The following SLC2A9 variants were observed in gnomAD, a reference collection of about 807,000 sequenced individuals.
SLC2A9 encodes the protein solute carrier family 2 member 9.
In SLC2A9, 39 loss-of-function variants were observed where a neutral mutation model predicts 50.6. The ratio of observed to expected loss-of-function variants is 0.77; its 90% CI spans 0.60 to 1.01. The LOEUF (loss-of-function observed/expected upper bound fraction) is 1.01, where lower values mean the gene tolerates loss of function less well. SLC2A9 is among the 50% of genes least tolerant of loss of function. The probability of loss-of-function intolerance (pLI) is 0.00; values close to 1 mark genes in which losing one functional copy is unlikely to be tolerated. For synonymous variants in SLC2A9, 324 were observed against 276.9 expected (o/e 1.17, Z -1.69); for missense variants, 686 against 677.6 (o/e 1.01, Z -0.14).
At chr4:9,792,519 G>A (rs1720079412) in intron 3 of SLC2A9, among the ~76,000 whole-genome samples, 1 of 152,024 alleles carries the variant, frequency 6.6e-6, no homozygotes, top group Admixed American at 6.6e-5. Flanking sequence ...GTCAGCAGTA[G>A]AATAGCTAAC....
At chr4:9,778,093 CTTCCTTCCTTCCTTCT>C (rs2108834240), downstream of SLC2A9, among the ~76,000 whole-genome samples, 1 of 123,312 alleles carries the variant, frequency 8.1e-6, no homozygotes, top group South Asian at 2.6e-4. Flanking sequence ...TCCTTCCTTC[CTTCCTTCCTTCCTTCT>C]TTCCTTCTCC....
At chr4:10,016,179 G>A (rs984299749) in intron 2 of SLC2A9, among the ~76,000 whole-genome samples, 2 of 152,170 alleles carry the variant, frequency 1.3e-5, no homozygotes, top group Admixed American at 6.5e-5. Context: ...GTAGAGCTCC[G>A]ATATCCCAAA....
intron 7 of SLC2A9, among the ~76,000 whole-genome samples, chr4:9,914,983 C>T (rs986526642): frequency 1.3e-5 from 2 of 152,198 alleles, no homozygotes; most frequent in Non-Finnish European, 2.9e-5. Flanking sequence ...TCTCATCTTA[C>T]GGATAAAAAT....
intron 6 of SLC2A9, among the ~76,000 whole-genome samples, chr4:9,934,983 G>C (rs1405332884): frequency 2.0e-5 from 3 of 152,146 alleles, no homozygotes; most frequent in Non-Finnish European, 4.4e-5. Context: ...CAAAGAATAT[G>C]ATCTAATTCC....
At chr4:9,887,681 G>T in intron 9 of SLC2A9, 39 bp from the exon 10 acceptor site, 1 of 1,431,170 alleles carries the variant, frequency 7.0e-7, no homozygotes, top group South Asian at 1.5e-5. Flanking sequence ...AGGAGGTGAT[G>T]GTGTGACCGG....
At chr4:9,814,573 CTCT>C (rs1268104954) in intron 3 of SLC2A9, among the ~76,000 whole-genome samples, 1 of 152,130 alleles carries the variant, frequency 6.6e-6, no homozygotes, top group East Asian at 1.9e-4. Context: ...TTGTGTTCTT[CTCT>C]TCTTCTGTTA....
At chr4:10,014,416 C>T (rs1198045709) in intron 2 of SLC2A9, among the ~76,000 whole-genome samples, 2 of 152,198 alleles carry the variant, frequency 1.3e-5, no homozygotes, top group Non-Finnish European at 2.9e-5. Flanking sequence ...GTTTCCACCT[C>T]GGAAGGGCCT....
chr4:9,850,213 A>G (rs978943673), intron 10 of SLC2A9, among the ~76,000 whole-genome samples: 3 of 152,150 alleles, frequency 2.0e-5, no homozygotes, highest in African/African-American at 2.4e-5. Flanking sequence ...CGCTCTCACC[A>G]TGGACCTCCA....
intron 5 of SLC2A9, among the ~76,000 whole-genome samples, chr4:9,964,373 C>A (rs893077320): frequency 8.5e-5 from 13 of 152,156 alleles, no homozygotes; most frequent in African/African-American, 3.1e-4. Flanking sequence ...GTGAGGGACT[C>A]TGAAGTGGCA....
chr4:9,898,790 C>T (rs1381682795), intron 8 of SLC2A9, among the ~76,000 whole-genome samples: 1 of 152,232 alleles, frequency 6.6e-6, no homozygotes, highest in Non-Finnish European at 1.5e-5. Context: ...CTCTGCCTCC[C>T]TCAGGACGTC....
intron 10 of SLC2A9, chr4:9,880,514 G>A (rs1296088739): frequency 3.0e-6 from 3 of 984,982 alleles, no homozygotes; most frequent in Non-Finnish European, 3.6e-6. Context: ...ACAGAATCAG[G>A]ATCATTGCAA....
chr4:9,893,693 T>C (rs1054716476), intron 8 of SLC2A9, among the ~76,000 whole-genome samples: 3 of 152,142 alleles, frequency 2.0e-5, no homozygotes, highest in Non-Finnish European at 2.9e-5. Context: ...ATGGGGCTGC[T>C]GTGCCAGGTC....
chr4:9,844,972 C>T (rs1444244953), intron 10 of SLC2A9, among the ~76,000 whole-genome samples: 1 of 152,164 alleles, frequency 6.6e-6, no homozygotes, highest in Non-Finnish European at 1.5e-5. Context: ...CCCTTTCTCC[C>T]TCCTCTCTAT....
At chr4:9,956,894 T>C (rs1368433675) in intron 5 of SLC2A9, among the ~76,000 whole-genome samples, 3 of 152,116 alleles carry the variant, frequency 2.0e-5, no homozygotes, top group African/African-American at 7.2e-5. Context: ...GAAATGGCAA[T>C]GGTGAGCAAG....
chr4:9,934,577 A>T (rs1458780499), intron 6 of SLC2A9, among the ~76,000 whole-genome samples: 1 of 152,240 alleles, frequency 6.6e-6, no homozygotes, highest in African/African-American at 2.4e-5. Flanking sequence ...TGAGCAGATG[A>T]GGAAACAGTC....
intron 3 of SLC2A9, among the ~76,000 whole-genome samples, chr4:9,809,970 C>T (rs541848065): frequency 5.9e-5 from 9 of 152,020 alleles, no homozygotes; most frequent in East Asian, 1.9e-4. Flanking sequence ...CTGAAGCCCA[C>T]GAGTAACATT....
Position 9,842,491 on chromosome 4 carries a change from T to A in SLC2A9, c.1292-7483A>T, listed in dbSNP as rs143762302. Among the ~76,000 whole-genome samples, 362 of 152,324 alleles carry A rather than the reference T, an allele frequency of 2.4e-3. 2 individuals are homozygous for A. Among genetic ancestry groups the A allele is most frequent in the African/African-American group, 8.2e-3 (342 of 41,590 alleles). ...TCATGACCAAACTATGAATTATGAA[T>A]TGTAATTACAGATTCGGAAACTGAA... On this transcript the variant is annotated intron_variant, in intron 10 of 11. Transcript: ENST00000264784.
At chr4:9,904,150 T>C (rs920797575) in intron 8 of SLC2A9, among the ~76,000 whole-genome samples, 1 of 152,138 alleles carries the variant, frequency 6.6e-6, no homozygotes, top group African/African-American at 2.4e-5. Flanking sequence ...TAGTTTCCTA[T>C]TGCTGCTGTA....
chr4:9,895,212 T>G (rs952968411), intron 8 of SLC2A9, among the ~76,000 whole-genome samples: 2 of 152,160 alleles, frequency 1.3e-5, no homozygotes, highest in Non-Finnish European at 2.9e-5. Flanking sequence ...ACCAGTAACT[T>G]GAGCCAATGA....
Sources: gnomAD v4.1 joint callset for allele counts (sites outside exome capture counted in the v4.1 genomes callset) on GRCh38, gnomAD v4.1.1 for gene constraint, MANE v1.5 for transcripts, NCBI Gene and HGNC (gene_info 2026-07-23, HGNC 2026-07-21) for gene names.